The following PTPRD variants were observed in gnomAD, a reference collection of about 807,000 sequenced individuals.
PTPRD encodes receptor-type tyrosine-protein phosphatase delta.
PTPRD carries 34 observed loss-of-function variants against 214.5 expected under a neutral mutation model. The observed-to-expected ratio is 0.16, with a 90% CI of 0.12 to 0.21. The LOEUF (loss-of-function observed/expected upper bound fraction) is 0.21. Among genes scored for constraint, PTPRD ranks in the 10% least tolerant of loss-of-function variants. The pLI, the probability that PTPRD is intolerant of heterozygous loss-of-function variation, is 1.00. For synonymous variants in PTPRD, 1,128 were observed against 845.7 expected, an observed-to-expected ratio of 1.33 and a Z score of -5.79; for missense variants, 2,545 against 2,398.7, an observed-to-expected ratio of 1.06 and a Z score of -1.27.
intron 4 of PTPRD, among the ~76,000 whole-genome samples, chr9:9,942,694 A>C (rs1258816725): frequency 6.6e-6 from 1 of 152,160 alleles, no homozygotes; most frequent in Non-Finnish European, 1.5e-5. Context: ...TGCTATTTTA[A>C]TTAGCATTTA....
chr9:9,922,782 A>G (rs2082941759), intron 5 of PTPRD, among the ~76,000 whole-genome samples: 1 of 152,018 alleles, frequency 6.6e-6, no homozygotes, highest in African/African-American at 2.4e-5. Flanking sequence ...TTTATCTTTA[A>G]AAAATGGTAT....
At chr9:10,519,000 T>G (rs1421442044) in intron 2 of PTPRD, among the ~76,000 whole-genome samples, 1 of 151,894 alleles carries the variant, frequency 6.6e-6, no homozygotes, top group Non-Finnish European at 1.5e-5. Flanking sequence ...AGAAGAAACC[T>G]GCACTCTTAT....
At chr9:9,773,543 A>T (rs1411563314) in intron 5 of PTPRD, among the ~76,000 whole-genome samples, 1 of 152,224 alleles carries the variant, frequency 6.6e-6, no homozygotes, top group African/African-American at 2.4e-5. Context: ...GACATAAGAC[A>T]TAAAGAATAA....
At chr9:10,508,718 T>A (rs2046940333) in intron 2 of PTPRD, among the ~76,000 whole-genome samples, 1 of 152,044 alleles carries the variant, frequency 6.6e-6, no homozygotes, top group Admixed American at 6.6e-5. Flanking sequence ...CACCGCATGT[T>A]CTCACTCATA....
At chr9:8,691,052 GA>G (rs750732755) in intron 12 of PTPRD, among the ~76,000 whole-genome samples, 5 of 152,126 alleles carry the variant, frequency 3.3e-5, no homozygotes, top group Non-Finnish European at 7.4e-5. Flanking sequence ...TAAGAGTTCA[GA>G]ATGGAAAACA....
intron 37 of PTPRD, among the ~76,000 whole-genome samples, chr9:8,388,444 A>T (rs980940759): frequency 3.3e-5 from 5 of 152,108 alleles, no homozygotes; most frequent in African/African-American, 1.2e-4. Context: ...AGTTTCAGAG[A>T]TCCCATCATT....
intron 21 of PTPRD, among the ~76,000 whole-genome samples, chr9:8,515,813 T>C (rs947866508): frequency 1.3e-5 from 2 of 152,080 alleles, no homozygotes; most frequent in African/African-American, 4.8e-5. Context: ...TGTGAGACAA[T>C]AGATTCCCGT....
At chr9:8,792,116 C>G (rs1490705623) in intron 11 of PTPRD, among the ~76,000 whole-genome samples, 1 of 152,144 alleles carries the variant, frequency 6.6e-6, no homozygotes, top group Non-Finnish European at 1.5e-5. Context: ...CGTCAAATAA[C>G]TATCAATATA....
chr9:8,460,548 G>A lies in PTPRD; in HGVS notation c.3738C>T (p.Tyr1246=), dbSNP rs1423353292. The change falls in exon 33 of 46, where the codon TAC becomes TAT. Residue 1246 remains tyrosine, a synonymous_variant. Transcript: ENST00000381196. ...GATCCATTGACACCACGGGGTCGGAGTAAGGGCTGGTTGCATACATCTTCT... is the reference window on the plus strand; with the variant it reads ...GATCCATTGACACCACGGGGTCGGAATAAGGGCTGGTTGCATACATCTTCT... ...AESKMYATSP[Y]SDPVVSMDLD... The A allele has an allele frequency of 1.2e-6, 2 of 1,613,126 alleles. No individual in the cohort carries two copies. Among genetic ancestry groups the A allele is most frequent in the Admixed American group, 1.7e-5 (1 of 59,866 alleles).
chr9:9,449,928 T>C (rs957567334), intron 8 of PTPRD, among the ~76,000 whole-genome samples: 4 of 151,934 alleles, frequency 2.6e-5, no homozygotes, highest in African/African-American at 9.7e-5. Flanking sequence ...CATATCATTC[T>C]TATGCCTTTG....
intron 9 of PTPRD, among the ~76,000 whole-genome samples, chr9:9,257,429 C>T (rs1334653093): frequency 6.6e-6 from 1 of 151,932 alleles, no homozygotes; most frequent in East Asian, 1.9e-4. Context: ...TCAAACTCAA[C>T]TGCTCCTTAA....
intron 3 of PTPRD, among the ~76,000 whole-genome samples, chr9:10,194,087 C>T (rs896636452): frequency 1.3e-5 from 2 of 151,858 alleles, no homozygotes; most frequent in East Asian, 3.9e-4. Context: ...TTCAAAGCAA[C>T]GTTCAGCCAA....
At chr9:9,252,002 C>T (rs1348734849) in intron 9 of PTPRD, among the ~76,000 whole-genome samples, 1 of 152,056 alleles carries the variant, frequency 6.6e-6, no homozygotes, top group African/African-American at 2.4e-5. Flanking sequence ...ACAATGCTTG[C>T]TATCCTCTCT....
At chr9:9,461,280 A>G (rs986315032) in intron 8 of PTPRD, among the ~76,000 whole-genome samples, 1 of 152,174 alleles carries the variant, frequency 6.6e-6, no homozygotes, top group Non-Finnish European at 1.5e-5. Context: ...GCATTACACA[A>G]TATACCCATG....
At chr9:9,478,760 C>A (rs1384389657) in intron 8 of PTPRD, among the ~76,000 whole-genome samples, 2 of 151,796 alleles carry the variant, frequency 1.3e-5, no homozygotes, top group Non-Finnish European at 2.9e-5. Flanking sequence ...ATTTTAAAAC[C>A]CCAAATATTT....
intron 11 of PTPRD, among the ~76,000 whole-genome samples, chr9:8,806,453 T>C (rs2096683819): frequency 6.6e-6 from 1 of 152,154 alleles, no homozygotes; most frequent in African/African-American, 2.4e-5. Flanking sequence ...CTATCTCTTA[T>C]CAGCAACACT....
chr9:10,435,154 C>T (rs2098709096), intron 2 of PTPRD, among the ~76,000 whole-genome samples: 1 of 151,848 alleles, frequency 6.6e-6, no homozygotes, highest in South Asian at 2.1e-4. Flanking sequence ...CAAGTTGGCA[C>T]TATTTGAGCA....
intron 11 of PTPRD, among the ~76,000 whole-genome samples, chr9:8,779,243 T>C (rs1431450944): frequency 1.3e-5 from 2 of 152,098 alleles, no homozygotes; most frequent in Non-Finnish European, 2.9e-5. Flanking sequence ...CAAAATACAA[T>C]AGGAAGCCAT....
intron 9 of PTPRD, among the ~76,000 whole-genome samples, chr9:9,216,809 C>A (rs1344347308): frequency 6.6e-6 from 1 of 152,164 alleles, no homozygotes; most frequent in East Asian, 1.9e-4. Context: ...CAAAATACTT[C>A]TTTGTAAAAT....
Sources: gnomAD v4.1 joint callset for allele counts (sites outside exome capture counted in the v4.1 genomes callset) on GRCh38, gnomAD v4.1.1 for gene constraint, MANE v1.5 for transcripts, NCBI Gene and HGNC (gene_info 2026-07-23, HGNC 2026-07-21) for gene names.